Variants in METTL21A observed in about 807,000 individuals in gnomAD.
The protein encoded by METTL21A is methyltransferase 21A, HSPA lysine.
A neutral mutation model predicts 20.9 loss-of-function variants in METTL21A; 22 were observed. The ratio of observed to expected loss-of-function variants is 1.05; its 90% CI spans 0.75 to 1.50. The LOEUF (loss-of-function observed/expected upper bound fraction) is 1.50, where lower values mean the gene tolerates loss of function less well. Among genes scored for constraint, METTL21A ranks in the 40% most tolerant of loss-of-function variants. The pLI, the probability that METTL21A is intolerant of heterozygous loss-of-function variation, is 0.00. For missense variants in METTL21A, 271 were observed against 266.8 expected (o/e 1.02, Z -0.11); for synonymous variants, 93 against 102.0 (o/e 0.91, Z 0.53).
chr2:207,617,567 G>A (rs1350291048), intron 3 of METTL21A, among the ~76,000 whole-genome samples: 1 of 152,250 alleles, frequency 6.6e-6, no homozygotes, highest in Non-Finnish European at 1.5e-5. Context: ...AGTCAGGCAG[G>A]ATGCGATAAC....
chr2:207,598,006 T>C (rs932858429), intron 3 of METTL21A: 1 of 182,716 alleles, frequency 5.5e-6, no homozygotes, highest in African/African-American at 2.4e-5. Context: ...TAATTTACTG[T>C]TGCCCATTGC....
intron 3 of METTL21A, among the ~76,000 whole-genome samples, chr2:207,592,712 A>C (rs940905870): frequency 6.6e-6 from 1 of 151,932 alleles, no homozygotes; most frequent in African/African-American, 2.4e-5. Flanking sequence ...CGAGGTCAGG[A>C]GATTGAGAAC....
intron 3 of METTL21A, chr2:207,603,199 AAAG>A (rs2087402894): frequency 4.6e-6 from 1 of 215,732 alleles, no homozygotes; most frequent in Non-Finnish European, 9.3e-6. Flanking sequence ...CTTTATGTGT[AAAG>A]AAAAAAATGT....
downstream of METTL21A, among the ~76,000 whole-genome samples, chr2:207,607,240 T>A (rs2106802144): frequency 6.6e-6 from 1 of 152,042 alleles, no homozygotes; most frequent in Admixed American, 6.6e-5. Context: ...ATACAAAAAA[T>A]TAGCTGGGCA....
chr2:207,581,836 C>T (rs1041886087), exon 4 of METTL21A: 1 of 702,736 alleles, frequency 1.4e-6, no homozygotes, highest in Non-Finnish European at 2.6e-6. Context: ...TTATAGTCTC[C>T]TTCAGTCTGT....
At chr2:207,613,055 C>T (rs149721115) in exon 4 of METTL21A, 47 of 1,555,928 alleles carry the variant, frequency 3.0e-5, no homozygotes, top group Non-Finnish European at 4.0e-5. Context: ...ATTATAAGTC[C>T]TCCTTCTGGT....
intron 3 of METTL21A, chr2:207,597,238 C>G: frequency 1.8e-6 from 1 of 564,712 alleles, no homozygotes; most frequent in Non-Finnish European, 2.8e-6. Flanking sequence ...AATGTTCCAA[C>G]ACCTGCCTCC....
exon 4 of METTL21A, chr2:207,581,893 T>G: frequency 1.4e-6 from 1 of 702,968 alleles, no homozygotes; most frequent in Non-Finnish European, 2.6e-6. Context: ...TTTTGAAGAG[T>G]AGTGATCTGT....
At chr2:207,604,087 C>T (rs35371479) in intron 3 of METTL21A, among the ~76,000 whole-genome samples, 19,448 of 152,170 alleles carry the variant, frequency 0.13, 1,655 homozygotes, top group Middle Eastern at 0.2. Flanking sequence ...ACATGAGGGA[C>T]AATAGGCATG....
intron 3 of METTL21A, among the ~76,000 whole-genome samples, chr2:207,618,723 A>G (rs2090104081): frequency 1.3e-5 from 2 of 152,018 alleles, no homozygotes; most frequent in African/African-American, 4.8e-5. Flanking sequence ...CAACAACAAC[A>G]ACAAAAGGTA....
intron 2 of METTL21A, among the ~76,000 whole-genome samples, chr2:207,622,408 C>T (rs1028739054): frequency 6.6e-6 from 1 of 152,034 alleles, no homozygotes; most frequent in Non-Finnish European, 1.5e-5. Context: ...TGAGCTCCTG[C>T]GTCAGCTTCC....
intron 3 of METTL21A, among the ~76,000 whole-genome samples, chr2:207,595,697 T>G (rs2086008842): frequency 6.6e-6 from 1 of 152,204 alleles, no homozygotes; most frequent in Non-Finnish European, 1.5e-5. Context: ...CCTGAGCAGC[T>G]GGGACTACAG....
intron 3 of METTL21A, chr2:207,601,258 C>T (rs1360963063): frequency 2.2e-5 from 4 of 185,280 alleles, no homozygotes; most frequent in Non-Finnish European, 3.4e-5. Context: ...GTAACTTGCA[C>T]TTTTTTAAAT....
chr2:207,591,133 C>T (rs879611945), intron 3 of METTL21A, among the ~76,000 whole-genome samples: 4 of 152,270 alleles, frequency 2.6e-5, no homozygotes, highest in Non-Finnish European at 5.9e-5. Context: ...TTATGTCATT[C>T]AGGTGTACTG....
downstream of METTL21A, among the ~76,000 whole-genome samples, chr2:207,607,061 C>G (rs530574090): frequency 2.0e-5 from 3 of 152,132 alleles, no homozygotes; most frequent in East Asian, 1.9e-4. Context: ...TGTGAACTCC[C>G]TTTTTGAACA....
downstream of METTL21A, chr2:207,581,039 A>G (rs1159636632): frequency 6.9e-5 from 15 of 216,232 alleles, no homozygotes; most frequent in Admixed American, 4.7e-4. Context: ...AAGTAATACA[A>G]TCTATCACCT....
chr2:207,591,822 T>C (rs1427654296), intron 3 of METTL21A, among the ~76,000 whole-genome samples: 1 of 152,230 alleles, frequency 6.6e-6, no homozygotes, highest in Non-Finnish European at 1.5e-5. Flanking sequence ...GTAGATGGCA[T>C]ATACTTAGGT....
downstream of METTL21A, among the ~76,000 whole-genome samples, chr2:207,581,174 G>A (rs2082913728): frequency 1.3e-5 from 2 of 152,232 alleles, no homozygotes; most frequent in African/African-American, 2.4e-5. Context: ...ATTTAGGAAA[G>A]TAAAAGATAA....
At chr2:207,619,663 CAGAT>C (rs2090239961) in intron 3 of METTL21A, among the ~76,000 whole-genome samples, 1 of 152,046 alleles carries the variant, frequency 6.6e-6, no homozygotes, top group South Asian at 2.1e-4. Flanking sequence ...ATTAAAAATA[CAGAT>C]GGAGAGAAAC....
Sources: gnomAD v4.1 joint callset for allele counts (sites outside exome capture counted in the v4.1 genomes callset) on GRCh38, gnomAD v4.1.1 for gene constraint, MANE v1.5 for transcripts, NCBI Gene and HGNC (gene_info 2026-07-23, HGNC 2026-07-21) for gene names.